The following BRSK2 variants were observed in gnomAD, a reference collection of about 807,000 sequenced individuals.
BRSK2 encodes the protein BR serine/threonine kinase 2, also known as serine/threonine-protein kinase BRSK2.
Under a neutral mutation model 83.3 loss-of-function variants are expected in BRSK2, and 19 were observed. The ratio of observed to expected loss-of-function variants is 0.23; its 90% CI spans 0.16 to 0.33. The LOEUF (loss-of-function observed/expected upper bound fraction) is 0.33, where lower values mean the gene tolerates loss of function less well. Among genes scored for constraint, BRSK2 ranks in the 10% least tolerant of loss-of-function variants. BRSK2 has a pLI of 1.00. For missense variants in BRSK2, 798 were observed against 1,042.3 expected, an observed-to-expected ratio of 0.77 and a Z score of 3.23; for synonymous variants, 519 against 435.4, an observed-to-expected ratio of 1.19 and a Z score of -2.39.
intron 1 of BRSK2, among the ~76,000 whole-genome samples, chr11:1,435,155 G>A (rs1209099991): frequency 6.6e-6 from 1 of 151,000 alleles, no homozygotes; most frequent in Admixed American, 6.6e-5. Context: ...GGCCCGTCCT[G>A]GTGTCCTGGG....
chr11:1,428,413 G>A (rs1326988553), intron 1 of BRSK2, among the ~76,000 whole-genome samples: 1 of 152,224 alleles, frequency 6.6e-6, no homozygotes, highest in African/African-American at 2.4e-5. Flanking sequence ...TCTTCCATGT[G>A]GTCCACTGTC....
rs1389875496 is a variant in BRSK2 at position 1,442,429 on chromosome 11, G to T, written c.414-61G>T. 1.2e-5 allele frequency: 16 copies of T among 1,375,000 alleles called. No individual in the cohort carries two copies. The African/African-American group carries it at 2.3e-4, about 20-fold the overall frequency. The allele number at this position is 1,375,000 out of a possible 1,614,324, so 85.2% of individuals were successfully genotyped here. A position where few individuals can be genotyped will look rare whatever the true frequency, so the allele number is the denominator to read the frequency against. On this transcript the variant is annotated intron_variant, in intron 4 of 19. Transcript: ENST00000528841. ...GTGGGCTCTGGGCAGGGGGTCTCCA[G>T]GGCGGGGAGGCGCTCAAGGCAGAGA... is the stretch of plus-strand genomic sequence containing the variant.
rs1847527620 is a variant in BRSK2, at chr11:1,461,780, TGGGGGC to T, written c.*1059_*1064del. ...TGGTTTTTGGAAAAGGGTGTGGGGG[TGGGGGC>T]GCCGCTGGGGCAGGGCCAGGTTTTG... On this transcript the variant is annotated 3_prime_UTR_variant, in exon 20 of 20. Coordinates refer to ENST00000528841, the MANE Select transcript of BRSK2 (RefSeq NM_001256627.2). 7.6e-6 allele frequency: 1 copy of T among 131,030 alleles called. No homozygotes were observed. The highest frequency in any genetic ancestry group is 3.0e-5 in the African/African-American group (1 of 33,822). The allele number at this position is 131,030 out of a possible 1,614,324, so 8.1% of individuals were successfully genotyped here. A position where few individuals can be genotyped will look rare whatever the true frequency, so the allele number is the denominator to read the frequency against.
At chr11:1,445,962 A>G in intron 12 of BRSK2, 55 bp downstream of exon 12, 2 of 1,540,168 alleles carry the variant, frequency 1.3e-6, no homozygotes. Flanking sequence ...GCTGCGCGGC[A>G]CTGCCGCCTG....
rs1383254796 is a variant in BRSK2 at position 1,445,394 on chromosome 11, A to G, written c.913A>G (p.Ser305Gly). The change falls in exon 10 of 20, where the codon AGC becomes GGC. Residue 305 changes from serine to glycine, a missense_variant. Physicochemically the swap from Ser to Gly is moderately conservative, Grantham distance 56. This residue lies in a region of BRSK2 where 145 missense variants were observed against 225.4 expected (regional missense o/e 0.64). Coordinates refer to ENST00000528841, the MANE Select transcript of BRSK2 (RefSeq NM_001256627.2). ...GGACATCGACCCCGACGTGCTGGACAGCATGCACTCACTGGGCTGCTTCCG... is the reference window on the plus strand; with the variant it reads ...GGACATCGACCCCGACGTGCTGGACGGCATGCACTCACTGGGCTGCTTCCG... ...LEDIDPDVLD[S>G]MHSLGCFRDR... The G allele has an allele frequency of 1.2e-6, 2 of 1,611,954 alleles. No individual in the cohort carries two copies. The highest frequency in any genetic ancestry group is 1.7e-5 in the Admixed American group (1 of 59,966).
At chr11:1,446,070 TGGCTGGGCTGGGCTG>T (rs769125715) in intron 12 of BRSK2, among the ~76,000 whole-genome samples, 163 bp downstream of exon 12, 1 of 54,756 alleles carries the variant, frequency 1.8e-5, no homozygotes, top group East Asian at 3.8e-4. Context: ...GGGCTGGGCT[TGGCTGGGCTGGGCTG>T]GGCTTAGCTG....
chr11:1,411,146 G>T, intron 1 of BRSK2: 1 of 1,221,366 alleles, frequency 8.2e-7, no homozygotes, highest in Non-Finnish European at 1.0e-6. Context: ...CTAGGGTGGG[G>T]GCTCCAGTCT....
At position 1,460,768 on chromosome 11, in the gene BRSK2, TCGCCGCC is replaced by T. The variant is rs771155212; in HGVS notation, c.*57_*63del. On this transcript the variant is annotated 3_prime_UTR_variant, in exon 20 of 20. Transcript: ENST00000528841. ...CAGCACAGCACTGACAGCGGCTGCC[TCGCCGCC>T]CGCCGCCCGCCCTGCCCCGAGTGGA... is the stretch of plus-strand genomic sequence containing the variant. 199 of 1,193,606 alleles carry T rather than the reference TCGCCGCC, an allele frequency of 1.7e-4. 1 individual carries two copies. Among genetic ancestry groups the T allele is most frequent in the Admixed American group, 6.0e-4 (13 of 21,620 alleles). 73.9% of individuals were successfully genotyped at this position (1,193,606 alleles called of 1,614,324 possible).
At position 1,423,181 on chromosome 11, in the gene BRSK2, G is replaced by A. The variant is rs1052071583; in HGVS notation, c.92-12859G>A. Among the ~76,000 whole-genome samples, 4 of 152,072 alleles carry A rather than the reference G, an allele frequency of 2.6e-5. No homozygotes were observed. Among genetic ancestry groups the A allele is most frequent in the African/African-American group, 7.2e-5 (3 of 41,424 alleles). ...CAGAGCGGTGCCTCGTGGGGGATGC[G>A]GTGCCTCGTGGGGGACATGGTGCCT... On this transcript the variant is annotated intron_variant, in intron 1 of 19. Coordinates refer to ENST00000528841, the MANE Select transcript of BRSK2 (RefSeq NM_001256627.2). The surrounding 1 kb of genome is among the most constrained non-coding windows in gnomAD (Gnocchi z 6.5).
At chr11:1,429,404 A>G (rs866595372) in intron 1 of BRSK2, among the ~76,000 whole-genome samples, 1 of 98,072 alleles carries the variant, frequency 1.0e-5, no homozygotes, top group Non-Finnish European at 2.1e-5. Flanking sequence ...GTGTAGGCAC[A>G]GGGGTGTGCA....
At chr11:1,445,028 C>G in intron 9 of BRSK2, 26 bp downstream of exon 9, 4 of 1,609,106 alleles carry the variant, frequency 2.5e-6, no homozygotes, top group Non-Finnish European at 3.4e-6. Flanking sequence ...ACCCACTAAT[C>G]GCCTGCTTTG....
chr11:1,402,802 G>T (rs1846577748), intron 1 of BRSK2, among the ~76,000 whole-genome samples: 1 of 152,168 alleles, frequency 6.6e-6, no homozygotes, highest in South Asian at 2.1e-4. Flanking sequence ...ACACGGGGAG[G>T]GAACAGGCCC....
At chr11:1,403,781 G>T (rs1299086528) in intron 1 of BRSK2, among the ~76,000 whole-genome samples, 2 of 152,164 alleles carry the variant, frequency 1.3e-5, no homozygotes, top group African/African-American at 4.8e-5. Context: ...GGCTCCTGGT[G>T]GCGTTGGATA....
rs575648032 is a variant in BRSK2, at chr11:1,460,695, C to T, written c.2183C>T (p.Pro728Leu). The T allele has an allele frequency of 8.2e-3, 12,224 of 1,485,196 alleles. 81 individuals are homozygous for T. The highest frequency in any genetic ancestry group is 9.8e-3 in the Non-Finnish European group (10,965 of 1,113,224). The allele number at this position is 1,485,196 out of a possible 1,614,324, so 92.0% of individuals were successfully genotyped here. A position where few individuals can be genotyped will look rare whatever the true frequency, so the allele number is the denominator to read the frequency against. Residue 728 changes from proline to leucine, a missense_variant, in exon 20 of 20, where the codon CCG becomes CTG. Pro to Leu is a moderately conservative substitution (Grantham distance 98). This residue lies in a region of BRSK2 where 455 missense variants were observed against 455.2 expected (regional missense o/e 1.00). Transcript: ENST00000528841. The part of the protein sequence containing the change: ...PTGKDTAKMG[P>L]PTARREQP ...GGCAAGGACACGGCCAAGATGGGCC[C>T]GCCCACCGCCCGCCGCGAGCAGCCT...
chr11:1,412,578 A>G (rs889810953), intron 1 of BRSK2, among the ~76,000 whole-genome samples: 1 of 152,160 alleles, frequency 6.6e-6, no homozygotes, highest in Non-Finnish European at 1.5e-5. Flanking sequence ...GGCGGGGCCG[A>G]GGGAGCAGGC....
intron 1 of BRSK2, among the ~76,000 whole-genome samples, chr11:1,415,842 C>A (rs1448994130): frequency 6.6e-6 from 1 of 152,274 alleles, no homozygotes; most frequent in East Asian, 1.9e-4. Flanking sequence ...ACGGGCTCCA[C>A]CACGGCCTCC....
Position 1,426,905 on chromosome 11 carries a change from C to T in BRSK2, c.92-9135C>T, listed in dbSNP as rs1157595060. On this transcript the variant is annotated intron_variant, in intron 1 of 19. Transcript: ENST00000528841. ...GGGACCACTCCGCCTGGTGGGAAGCCCCCTGGGTCTGCATGCGGGAGATGG... is the reference window on the plus strand; with the variant it reads ...GGGACCACTCCGCCTGGTGGGAAGCTCCCTGGGTCTGCATGCGGGAGATGG... Among the ~76,000 whole-genome samples, 9 of 152,232 alleles carry T rather than the reference C, an allele frequency of 5.9e-5. No individual in the cohort carries two copies. The East Asian group carries it at 1.7e-3, about 29-fold the overall frequency.
At chr11:1,412,715 A>G (rs182808784) in intron 1 of BRSK2, among the ~76,000 whole-genome samples, 13 of 151,446 alleles carry the variant, frequency 8.6e-5, no homozygotes, top group Non-Finnish European at 1.3e-4. Flanking sequence ...GGGGGGTCAG[A>G]TAAGGCAGCC....
rs1183655386 is a variant in BRSK2, at chr11:1,438,434, C to T, written c.272+43C>T. On this transcript the variant is annotated intron_variant, in intron 3 of 19. Coordinates refer to ENST00000528841, the MANE Select transcript of BRSK2 (RefSeq NM_001256627.2). This position sits in a 1 kb window ranked among gnomAD's most constrained non-coding sequence, Gnocchi z 6.4. Reference sequence around the variant, plus strand: ...TGAAGAGCTGGGGTGGCGGAGGTGGCAGCTGTCGCTGCAGGGGTGGGTGTC... The same window carrying T: ...TGAAGAGCTGGGGTGGCGGAGGTGGTAGCTGTCGCTGCAGGGGTGGGTGTC... 2.5e-6 allele frequency: 4 copies of T among 1,576,782 alleles called. No homozygotes were observed. The Admixed American group carries it at 5.0e-5, about 20-fold the overall frequency.
Sources: gnomAD v4.1 joint callset for allele counts (sites outside exome capture counted in the v4.1 genomes callset) on GRCh38, gnomAD v4.1.1 for gene constraint, gnomAD v4.1.1 regional missense constraint, Gnocchi (gnomAD v3.1) non-coding constraint, MANE v1.5 for transcripts, NCBI Gene and HGNC (gene_info 2026-07-23, HGNC 2026-07-21) for gene names.